The following MREG variants were observed in gnomAD, a reference collection of about 807,000 sequenced individuals.
MREG encodes melanoregulin.
MREG carries 31 observed loss-of-function variants against 28.5 expected under a neutral mutation model. That is an observed-to-expected ratio of 1.09 (90% CI 0.82 to 1.47). The LOEUF (loss-of-function observed/expected upper bound fraction) is 1.47, where lower values mean the gene tolerates loss of function less well. Among genes scored for constraint, MREG ranks in the 40% most tolerant of loss-of-function variants. MREG has a pLI of 0.00. For synonymous variants in MREG, 106 were observed against 95.2 expected (o/e 1.11, Z -0.66); for missense variants, 256 against 257.4 (o/e 0.99, Z 0.04).
intron 1 of MREG, among the ~76,000 whole-genome samples, chr2:216,030,396 G>A (rs559015648): frequency 6.6e-6 from 1 of 152,122 alleles, no homozygotes; most frequent in East Asian, 1.9e-4. Flanking sequence ...GTTCATGCCA[G>A]TTTCCTCAAC....
At chr2:215,981,207 G>A (rs6751884) in intron 2 of MREG, among the ~76,000 whole-genome samples, 25,084 of 152,056 alleles carry the variant, frequency 0.16, 2,594 homozygotes, top group East Asian at 0.39. Flanking sequence ...TTGTACACCC[G>A]TGTTTGCAAC....
chr2:215,969,495 T>C (rs1693031281), intron 2 of MREG, among the ~76,000 whole-genome samples: 1 of 152,234 alleles, frequency 6.6e-6, no homozygotes, highest in Non-Finnish European at 1.5e-5. Context: ...TGGATCAGCA[T>C]TTTTATGCCA....
chr2:215,966,616 T>C (rs1263756535), intron 2 of MREG, among the ~76,000 whole-genome samples: 2 of 151,126 alleles, frequency 1.3e-5, no homozygotes, highest in African/African-American at 4.9e-5. Context: ...TTTTTTTTTT[T>C]TTTGAGATGG....
chr2:215,991,670 A>C (rs953825433), intron 2 of MREG, among the ~76,000 whole-genome samples: 7 of 152,196 alleles, frequency 4.6e-5, no homozygotes, highest in African/African-American at 1.7e-4. Context: ...TGAAGAAAAG[A>C]GAGAATAACC....
chr2:215,959,649 G>T (rs1003140181), intron 2 of MREG, among the ~76,000 whole-genome samples: 5 of 152,138 alleles, frequency 3.3e-5, no homozygotes, highest in African/African-American at 1.2e-4. Context: ...TCCCAAGAAG[G>T]TTACCCATGA....
chr2:216,005,265 C>G (rs1694117691), intron 1 of MREG, among the ~76,000 whole-genome samples: 1 of 152,028 alleles, frequency 6.6e-6, no homozygotes, highest in South Asian at 2.1e-4. Context: ...TATGAGAACA[C>G]ACAGTTTGAT....
At chr2:215,977,287 T>C (rs191567540) in intron 2 of MREG, among the ~76,000 whole-genome samples, 120 of 152,220 alleles carry the variant, frequency 7.9e-4, no homozygotes, top group African/African-American at 2.8e-3. Flanking sequence ...CAAAGAAGGC[T>C]ATTACATAAT....
intron 2 of MREG, among the ~76,000 whole-genome samples, chr2:215,969,973 T>C (rs1409892379): frequency 6.6e-6 from 1 of 152,238 alleles, no homozygotes; most frequent in Non-Finnish European, 1.5e-5. Flanking sequence ...TAGGATAGAG[T>C]TAAAAATTCT....
At chr2:216,003,195 A>ACACT (rs985949869) in intron 1 of MREG, among the ~76,000 whole-genome samples, 18 of 152,022 alleles carry the variant, frequency 1.2e-4, no homozygotes, top group Non-Finnish European at 2.2e-4. Flanking sequence ...CTCGCCACCT[A>ACACT]CACTCATGAC....
At chr2:216,028,838 T>C (rs1428069192) in intron 1 of MREG, among the ~76,000 whole-genome samples, 2 of 152,000 alleles carry the variant, frequency 1.3e-5, no homozygotes, top group African/African-American at 4.8e-5. Flanking sequence ...ACAGTAGGAA[T>C]TGCACACTTA....
chr2:215,944,713 G>A lies in MREG; in HGVS notation c.*150C>T. On this transcript the variant is annotated 3_prime_UTR_variant, in exon 5 of 5. Coordinates refer to ENST00000263268, the MANE Select transcript of MREG (RefSeq NM_018000.3). ...CACAATTCATGGGGCAGGGTCCTCA[G>A]ATTAAAGACTTTACATTTATGTAGA... 1.3e-6 allele frequency: 1 copy of A among 780,266 alleles called. No individual in the cohort carries two copies. Among genetic ancestry groups the A allele is most frequent in the Non-Finnish European group, 1.9e-6 (1 of 532,152 alleles). 48.3% of individuals were successfully genotyped at this position (780,266 alleles called of 1,614,324 possible).
chr2:215,978,255 C>T (rs931993319), intron 2 of MREG, among the ~76,000 whole-genome samples: 18 of 152,126 alleles, frequency 1.2e-4, no homozygotes, highest in Non-Finnish European at 2.6e-4. Flanking sequence ...CTATAAACAC[C>T]TCTATGCAAA....
chr2:215,945,604 A>G lies in MREG; in HGVS notation c.477T>C (p.Ser159=), dbSNP rs762363894. Reference sequence around the variant, plus strand: ...AGAGATATCTCTCTGAGAGCTCCCAACTTGTTGGGAAAATATTGGTTTCTT... The same window carrying G: ...AGAGATATCTCTCTGAGAGCTCCCAGCTTGTTGGGAAAATATTGGTTTCTT... ...LAEETNIFPT[S]WELSERYLFV... The change falls in exon 4 of 5, where the codon AGT becomes AGC. Residue 159 remains serine, a synonymous_variant. Transcript: ENST00000263268. 6.2e-7 allele frequency: 1 copy of G among 1,613,932 alleles called. No individual in the cohort carries two copies. The highest frequency in any genetic ancestry group is 8.5e-7 in the Non-Finnish European group (1 of 1,179,840).
At chr2:216,017,132 AT>A (rs1694460633), upstream of MREG, among the ~76,000 whole-genome samples, 1 of 152,156 alleles carries the variant, frequency 6.6e-6, no homozygotes, top group South Asian at 2.1e-4. Flanking sequence ...GTGATGTAGC[AT>A]CATTGTGTGT....
chr2:215,947,592 A>G (rs1207655894), intron 2 of MREG, among the ~76,000 whole-genome samples: 1 of 152,234 alleles, frequency 6.6e-6, no homozygotes, highest in Non-Finnish European at 1.5e-5. Flanking sequence ...AGGTATCAGA[A>G]TAGATATTGG....
chr2:215,992,935 A>C (rs79766704), intron 2 of MREG, among the ~76,000 whole-genome samples: 3 of 152,034 alleles, frequency 2.0e-5, no homozygotes, highest in Admixed American at 2.0e-4. Context: ...AAACAGAAAA[A>C]CATTCCATGC....
chr2:215,958,939 G>C (rs1380811983), intron 2 of MREG, among the ~76,000 whole-genome samples: 1 of 152,112 alleles, frequency 6.6e-6, no homozygotes, highest in Non-Finnish European at 1.5e-5. Context: ...TGTGAGGTGG[G>C]TATTAGTATC....
chr2:216,005,466 T>TTC (rs1694127086), intron 1 of MREG, among the ~76,000 whole-genome samples: 1 of 142,410 alleles, frequency 7.0e-6, no homozygotes, highest in Non-Finnish European at 1.5e-5. Flanking sequence ...TTTTTTTTTT[T>TTC]TTTGAGACAG....
intron 2 of MREG, among the ~76,000 whole-genome samples, chr2:215,985,192 A>G (rs962640623): frequency 6.6e-6 from 1 of 152,256 alleles, no homozygotes; most frequent in African/African-American, 2.4e-5. Context: ...CTTAGAGAAT[A>G]AGTTCACTCA....
Sources: allele counts gnomAD v4.1 joint callset (sites outside exome capture counted in the v4.1 genomes callset), GRCh38; gene constraint gnomAD v4.1.1; transcripts MANE v1.5; gene names NCBI Gene and HGNC (gene_info 2026-07-23, HGNC 2026-07-21).